The following ARHGEF7 variants were observed in gnomAD, a reference collection of about 807,000 sequenced individuals.
ARHGEF7 encodes the protein PAK-interacting exchange factor beta.
Under a neutral mutation model 109.8 loss-of-function variants are expected in ARHGEF7, and 33 were observed. That is an observed-to-expected ratio of 0.30 (90% CI 0.23 to 0.40). The LOEUF (loss-of-function observed/expected upper bound fraction) is 0.40, where lower values mean the gene tolerates loss of function less well. ARHGEF7 is among the 10% of genes least tolerant of loss of function. The probability of loss-of-function intolerance (pLI) is 1.00; values close to 1 mark genes in which losing one functional copy is unlikely to be tolerated. For missense variants in ARHGEF7, 938 were observed against 1,098.5 expected (o/e 0.85, Z 2.07); for synonymous variants, 458 against 424.6 (o/e 1.08, Z -0.97).
rs534248011 is a variant in ARHGEF7, at chr13:111,221,503, CTA to C, written c.670+3632_670+3633del. ...TAGATATATATAGACATATATATAT[CTA>C]TATATATAGATATATATCTATATAT... On this transcript the variant is annotated intron_variant, in intron 5 of 21. Transcript: ENST00000646102. Among the ~76,000 whole-genome samples, 104 of 48,092 alleles carry C rather than the reference CTA, an allele frequency of 2.2e-3. 1 individual carries two copies. Among genetic ancestry groups the C allele is most frequent in the East Asian group, 0.012 (28 of 2,432 alleles). The allele number at this position is 48,092 out of a possible 152,430, so 31.6% of individuals were successfully genotyped here. A position where few individuals can be genotyped will look rare whatever the true frequency, so the allele number is the denominator to read the frequency against.
chr13:111,115,221 G>C (rs1272252739), upstream of ARHGEF7: 4 of 146,928 alleles, frequency 2.7e-5, no homozygotes, highest in Non-Finnish European at 6.1e-5. Context: ...GGCCGGGCGC[G>C]GGCCGGGCGG....
chr13:111,277,584 T>C lies in ARHGEF7; in HGVS notation c.1420-3T>C, dbSNP rs758005877. 1 of 1,580,414 alleles carries C rather than the reference T, an allele frequency of 6.3e-7. No homozygotes were observed. Among genetic ancestry groups the C allele is most frequent in the Non-Finnish European group, 8.7e-7 (1 of 1,151,792 alleles). Reference sequence around the variant, plus strand: ...ATGTTTTGGATTTCTTTTTTTGTATTAGGAAAAGAATGAAAGATATCTTCT... The same window carrying C: ...ATGTTTTGGATTTCTTTTTTTGTATCAGGAAAAGAATGAAAGATATCTTCT... On this transcript the variant is annotated splice_polypyrimidine_tract_variant and splice_region_variant and intron_variant, in intron 12 of 21. Coordinates refer to ENST00000646102, the MANE Select transcript of ARHGEF7 (RefSeq NM_001354046.2).
At chr13:111,209,815 G>T in intron 3 of ARHGEF7, 57 bp from the exon 4 acceptor site, 1 of 1,591,312 alleles carries the variant, frequency 6.3e-7, no homozygotes, top group Non-Finnish European at 8.6e-7. Context: ...TGTGTAGTGT[G>T]GGTGCGTGGT....
In ARHGEF7 at chr13:111,223,858, A is replaced by ATT. The variant is rs35652076; in HGVS notation, c.670+5993_670+5994dup. On this transcript the variant is annotated intron_variant, in intron 5 of 21. Coordinates refer to ENST00000646102, the MANE Select transcript of ARHGEF7 (RefSeq NM_001354046.2). ...GGTAAAACCCATGGATTTCTATAGC[A>ATT]TTTTTTTTTTTTTTTTGAGACAGAG... is the stretch of plus-strand genomic sequence containing the variant. 2.3e-3 allele frequency among the ~76,000 whole-genome samples: 319 copies of ATT among 139,056 alleles called. 1 individual carries two copies. The highest frequency in any genetic ancestry group is 8.1e-3 in the African/African-American group (304 of 37,540). The allele number at this position is 139,056 out of a possible 152,430, so 91.2% of individuals were successfully genotyped here. A position where few individuals can be genotyped will look rare whatever the true frequency, so the allele number is the denominator to read the frequency against.
chr13:111,154,413 T>C (rs750822715), intron 2 of ARHGEF7, among the ~76,000 whole-genome samples: 3 of 152,202 alleles, frequency 2.0e-5, no homozygotes, highest in Non-Finnish European at 4.4e-5. Context: ...CTTAGAATCC[T>C]CAGCAGGTGA....
At chr13:111,114,891 C>T (rs938674818), upstream of ARHGEF7, 1 of 152,258 alleles carries the variant, frequency 6.6e-6, no homozygotes, top group Non-Finnish European at 1.5e-5. Flanking sequence ...GCGAAACAAA[C>T]GTCTCGTTTT....
At chr13:111,181,859 G>A (rs2078766245) in intron 2 of ARHGEF7, among the ~76,000 whole-genome samples, 1 of 152,250 alleles carries the variant, frequency 6.6e-6, no homozygotes, top group Admixed American at 6.5e-5. Flanking sequence ...AAAGGGCAGA[G>A]GGGCCAGACA....
At chr13:111,221,590 TATATATAG>T in intron 5 of ARHGEF7, among the ~76,000 whole-genome samples, 1 of 91,416 alleles carries the variant, frequency 1.1e-5, no homozygotes, top group Admixed American at 1.6e-4. Context: ...TATATATATC[TATATATAG>T]ATATATATCT....
chr13:111,302,881 T>C, intron 21 of ARHGEF7, 110 bp from the exon 22 acceptor site: 1 of 1,409,470 alleles, frequency 7.1e-7, no homozygotes. Flanking sequence ...GCAGCTCACG[T>C]GGGATTTCAT....
In ARHGEF7 at chr13:111,303,037, G is replaced by T. The variant is rs1171507167; in HGVS notation, c.2513G>T (p.Arg838Leu). The change falls in exon 22 of 22, where the codon CGC becomes CTC. Residue 838 changes from arginine to leucine, a missense_variant. Arg to Leu is a moderately radical substitution (Grantham distance 102). This residue lies in a region of ARHGEF7 where 166 missense variants were observed against 167.3 expected (regional missense o/e 0.99). Transcript: ENST00000646102. ...KKSLEEEQRA[R>L]KDLEKLVRKV... ...TCTCTAGAGGAAGAACAGAGAGCCC[G>T]CAAAGACCTGGAGAAGCTGGTGAGG... The T allele has an allele frequency of 4.3e-6, 7 of 1,613,978 alleles. No individual in the cohort carries two copies. The highest frequency in any genetic ancestry group is 1.3e-5 in the African/African-American group (1 of 74,928).
intron 4 of ARHGEF7, among the ~76,000 whole-genome samples, chr13:111,214,860 AATAG>A (rs10612076): frequency 0.22 from 34,177 of 152,018 alleles, 4,918 homozygotes; most frequent in East Asian, 0.77. Context: ...AACACATTTA[AATAG>A]ATAAGTATTA....
At chr13:111,148,010 A>C (rs143038937) in intron 1 of ARHGEF7, among the ~76,000 whole-genome samples, 27 of 152,090 alleles carry the variant, frequency 1.8e-4, no homozygotes, top group Non-Finnish European at 5.9e-5. Flanking sequence ...GTCACCTTTT[A>C]TGCTGGTTAA....
intron 5 of ARHGEF7, among the ~76,000 whole-genome samples, chr13:111,227,754 C>T (rs1333571235): frequency 1.3e-5 from 2 of 152,188 alleles, no homozygotes; most frequent in Non-Finnish European, 2.9e-5. Flanking sequence ...CTGTTGGTTT[C>T]CTCTGTTGGT....
At chr13:111,164,246 A>G (rs1237567502) in intron 2 of ARHGEF7, among the ~76,000 whole-genome samples, 2 of 152,210 alleles carry the variant, frequency 1.3e-5, no homozygotes, top group African/African-American at 2.4e-5. Context: ...AGTGGTTCAG[A>G]AGTCACAGGT....
At chr13:111,157,116 G>T (rs1891963) in intron 2 of ARHGEF7, among the ~76,000 whole-genome samples, 117,666 of 152,060 alleles carry the variant, frequency 0.77, 46,779 homozygotes, top group South Asian at 0.92. Context: ...TTTATAAATT[G>T]GTTTTAAAGG....
chr13:111,168,117 C>T (rs1012670077), intron 2 of ARHGEF7, among the ~76,000 whole-genome samples: 1 of 152,180 alleles, frequency 6.6e-6, no homozygotes, highest in African/African-American at 2.4e-5. Flanking sequence ...AGGGTCCTGG[C>T]TTACCTAGGT....
At chr13:111,140,518 G>A (rs1328468934) in intron 1 of ARHGEF7, among the ~76,000 whole-genome samples, 1 of 152,180 alleles carries the variant, frequency 6.6e-6, no homozygotes, top group Admixed American at 6.5e-5. Context: ...CAGCTAGTGC[G>A]AGGTCCTGGG....
intron 2 of ARHGEF7, among the ~76,000 whole-genome samples, chr13:111,170,116 T>C (rs1204544601): frequency 2.6e-5 from 4 of 152,218 alleles, no homozygotes; most frequent in Non-Finnish European, 5.9e-5. Context: ...TCTTTTTTTG[T>C]AGACAGAGTC....
chr13:111,221,742 A>G (rs1052433075), intron 5 of ARHGEF7, among the ~76,000 whole-genome samples: 9 of 150,562 alleles, frequency 6.0e-5, no homozygotes, highest in Non-Finnish European at 1.0e-4. Context: ...ATAGGAGAAT[A>G]TTATTAGTTC....
Sources: allele counts gnomAD v4.1 joint callset (sites outside exome capture counted in the v4.1 genomes callset), GRCh38; gene constraint gnomAD v4.1.1; regional missense constraint gnomAD v4.1.1; transcripts MANE v1.5; gene names NCBI Gene and HGNC (gene_info 2026-07-23, HGNC 2026-07-21).